The following KLHL17 variants were observed in gnomAD, a reference collection of about 807,000 sequenced individuals.
The protein encoded by KLHL17 is kelch like family member 17.
Under a neutral mutation model 64.6 loss-of-function variants are expected in KLHL17, and 71 were observed. The ratio of observed to expected loss-of-function variants is 1.10; its 90% CI spans 0.91 to 1.34. The LOEUF (loss-of-function observed/expected upper bound fraction) is 1.34. Among genes scored for constraint, KLHL17 ranks in the 40% most tolerant of loss-of-function variants. The pLI, the probability that KLHL17 is intolerant of heterozygous loss-of-function variation, is 0.00. For missense variants in KLHL17, 1,140 were observed against 935.0 expected (o/e 1.22, Z -2.86); for synonymous variants, 612 against 405.4 (o/e 1.51, Z -6.12).
Position 965,221 on chromosome 1 carries a change from C to T in KLHL17, c.*30C>T, listed in dbSNP as rs1642894122. The T allele has an allele frequency of 6.3e-7, 1 of 1,597,290 alleles. No individual in the cohort carries two copies. The highest frequency in any genetic ancestry group is 8.6e-7 in the Non-Finnish European group (1 of 1,167,864). On this transcript the variant is annotated 3_prime_UTR_variant, in exon 12 of 12. Coordinates refer to ENST00000338591, the MANE Select transcript of KLHL17 (RefSeq NM_198317.3). ...CCTACCACCAGAGGCCTGCAGCCTC[C>T]CACATGCCTTAAGGGGACCGTGGCC... is the stretch of plus-strand genomic sequence containing the variant.
chr1:962,167 TG>T, intron 4 of KLHL17, 120 bp downstream of exon 4: 1 of 1,271,996 alleles, frequency 7.9e-7, no homozygotes, highest in Non-Finnish European at 1.1e-6. Flanking sequence ...GTGCCTGCTG[TG>T]TGTCCCCGAG....
At position 964,012 on chromosome 1, in the gene KLHL17, G is replaced by A; in HGVS notation, c.1444+4G>A. 6.2e-7 allele frequency: 1 copy of A among 1,612,624 alleles called. No individual in the cohort carries two copies. The highest frequency in any genetic ancestry group is 8.5e-7 in the Non-Finnish European group (1 of 1,179,916). Reference sequence around the variant, plus strand: ...TATGTGCGAGTGGCCACGCTTGGTGGGTGATGGGGCCTGCCTGGGGGGCAT... The same window carrying A: ...TATGTGCGAGTGGCCACGCTTGGTGAGTGATGGGGCCTGCCTGGGGGGCAT... On this transcript the variant is annotated splice_donor_region_variant and intron_variant, in intron 9 of 11. Transcript: ENST00000338591.
At position 963,147 on chromosome 1, in the gene KLHL17, G is replaced by A; in HGVS notation, c.1081G>A (p.Ala361Thr). ...SLFAIHGDCE[A>T]YDTRTDRWHV... Reference sequence around the variant, plus strand: ...GTTTGCCATCCACGGAGACTGTGAGGCCTACGACACGCGCACCGACCGCTG... The same window carrying A: ...GTTTGCCATCCACGGAGACTGTGAGACCTACGACACGCGCACCGACCGCTG... The change falls in exon 7 of 12, where the codon GCC becomes ACC. Residue 361 changes from alanine (A) to threonine (T), a missense_variant. Physicochemically the swap from Ala to Thr is moderately conservative, Grantham distance 58. Coordinates refer to ENST00000338591, the MANE Select transcript of KLHL17 (RefSeq NM_198317.3). 1 of 1,611,990 alleles carries A rather than the reference G, an allele frequency of 6.2e-7. No homozygotes were observed. Among genetic ancestry groups the A allele is most frequent in the Middle Eastern group, 1.7e-4 (1 of 6,060 alleles).
intron 1 of KLHL17, 167 bp downstream of exon 1, chr1:960,967 G>A: frequency 2.5e-6 from 1 of 393,030 alleles, no homozygotes; most frequent in Non-Finnish European, 3.5e-6. Context: ...CCCGCGCCCC[G>A]CGCGCCCAGG....
Position 965,246 on chromosome 1 carries a change from C to A in KLHL17, c.*55C>A, listed in dbSNP as rs767758165. ...CCACATGCCTTAAGGGGACCGTGGC[C>A]CCCACCAGGGACGTCCTGCGCCATC... On this transcript the variant is annotated 3_prime_UTR_variant, in exon 12 of 12. Transcript: ENST00000338591. 5 of 1,485,160 alleles carry A rather than the reference C, an allele frequency of 3.4e-6. No individual in the cohort carries two copies. The highest frequency in any genetic ancestry group is 3.7e-6 in the Non-Finnish European group (4 of 1,075,304). 92.0% of individuals were successfully genotyped at this position (1,485,160 alleles called of 1,614,324 possible).
Position 964,356 on chromosome 1 carries a change from T to C in KLHL17, c.1526T>C (p.Val509Ala), listed in dbSNP as rs769197088. 6.4e-7 allele frequency: 1 copy of C among 1,553,708 alleles called. No homozygotes were observed. Among genetic ancestry groups the C allele is most frequent in the South Asian group, 1.2e-5 (1 of 85,350 alleles). Reference protein sequence around the residue: ...TVEKYEPQVNVWSPVASMLSR... With the variant: ...TVEKYEPQVNAWSPVASMLSR... ...CCACGCCCTCGCCCCCAGGTGAACG[T>C]GTGGTCGCCCGTGGCGTCCATGCTG... The change falls in exon 11 of 12, where the codon GTG becomes GCG. Residue 509 changes from valine (V) to alanine (A), a missense_variant. Transcript: ENST00000338591.
intron 5 of KLHL17, 100 bp from the exon 6 acceptor site, chr1:962,603 AT>A (rs1334227098): frequency 6.6e-7 from 1 of 1,520,744 alleles, no homozygotes; most frequent in Non-Finnish European, 8.8e-7. Context: ...CTGAAGAAGA[AT>A]CCATCACACA....
chr1:961,834 C>T lies in KLHL17; in HGVS notation c.498C>T (p.Leu166=), dbSNP rs370957996. ...VVGEGNVQTL[L]PAASLLQLNG... ...CTCTCGGTGCCCCGTAGACTCTGCT[C>T]CCAGCCGCCAGTCTCCTGCAGCTGA... The change falls in exon 4 of 12, where the codon CTC becomes CTT. Residue 166 remains leucine (L), a synonymous_variant. Coordinates refer to ENST00000338591, the MANE Select transcript of KLHL17 (RefSeq NM_198317.3). The T allele has an allele frequency of 1.2e-6, 2 of 1,610,468 alleles. No individual in the cohort carries two copies. Among genetic ancestry groups the T allele is most frequent in the South Asian group, 2.2e-5 (2 of 91,066 alleles).
chr1:962,872 C>A lies in KLHL17; in HGVS notation c.997C>A (p.Arg333Ser). Residue 333 changes from arginine to serine, a missense_variant, in exon 6 of 12, where the codon CGT becomes AGT. By Grantham distance (110) the Arg-to-Ser change is moderately radical. Transcript: ENST00000338591. ...QRGVLGTSRT[R>S]PRRCEGAGPV... The stretch of plus-strand genomic sequence containing the variant: ...GGGCGTCCTAGGCACCAGCCGCACA[C>A]GTCCCCGGCGCTGCGAGGGGGCCGG... 1 of 1,580,450 alleles carries A rather than the reference C, an allele frequency of 6.3e-7. No homozygotes were observed. The highest frequency in any genetic ancestry group is 8.6e-7 in the Non-Finnish European group (1 of 1,167,760).
chr1:962,069 C>G (rs1421435254), intron 4 of KLHL17, 22 bp downstream of exon 4: 2 of 1,594,230 alleles, frequency 1.3e-6, no homozygotes, highest in African/African-American at 2.7e-5. Context: ...CGGGCCCAGC[C>G]CTCGCCCCCC....
chr1:965,192 C>T lies in KLHL17; in HGVS notation c.*1C>T, dbSNP rs773235922. 17 of 1,611,670 alleles carry T rather than the reference C, an allele frequency of 1.1e-5. No homozygotes were observed. The South Asian group carries it at 1.2e-4, about 11-fold the overall frequency. On this transcript the variant is annotated 3_prime_UTR_variant, in exon 12 of 12. Transcript: ENST00000338591. The stretch of plus-strand genomic sequence containing the variant: ...GTCCGTGTCCTCCACCAGCCTCTGA[C>T]CCACCTACCACCAGAGGCCTGCAGC...
In KLHL17 at chr1:962,448, G is replaced by T. The variant is rs777583850; in HGVS notation, c.805G>T (p.Ala269Ser). 8 of 1,612,674 alleles carry T rather than the reference G, an allele frequency of 5.0e-6. No individual in the cohort carries two copies. In the East Asian group the frequency reaches 1.6e-4, roughly 31 times the overall value. Residue 269 changes from alanine (A) to serine (S), a missense_variant, in exon 5 of 12, where the codon GCC (alanine) becomes TCC (serine). Ala to Ser is a moderately conservative substitution (Grantham distance 99). Transcript: ENST00000338591. ...GAGCTGGGTGAAACACGACGTGGAC[G>T]CCCGCAGGCAGCATGTCCCACGGGT... ...VLSWVKHDVD[A>S]RRQHVPRLMK...
chr1:965,237 G>T lies in KLHL17; in HGVS notation c.*46G>T. Reference sequence around the variant, plus strand: ...TGCAGCCTCCCACATGCCTTAAGGGGACCGTGGCCCCCACCAGGGACGTCC... The same window carrying T: ...TGCAGCCTCCCACATGCCTTAAGGGTACCGTGGCCCCCACCAGGGACGTCC... On this transcript the variant is annotated 3_prime_UTR_variant, in exon 12 of 12. Coordinates refer to ENST00000338591, the MANE Select transcript of KLHL17 (RefSeq NM_198317.3). 3.2e-6 allele frequency: 5 copies of T among 1,550,118 alleles called. No individual in the cohort carries two copies. The highest frequency in any genetic ancestry group is 4.4e-6 in the Non-Finnish European group (5 of 1,130,788).
rs754499272 is a variant in KLHL17 at position 961,297 on chromosome 1, G to C, written c.112G>C (p.Glu38Gln). 6.6e-7 allele frequency: 1 copy of C among 1,507,522 alleles called. No individual in the cohort carries two copies. The highest frequency in any genetic ancestry group is 1.2e-5 in the South Asian group (1 of 81,488). 93.4% of individuals were successfully genotyped at this position (1,507,522 alleles called of 1,614,324 possible). Reference protein sequence around the residue: ...PPPPPQPPAPEAERTRPRQAR... With the variant: ...PPPPPQPPAPQAERTRPRQAR... ...TGACCCGCCCGCCTCCTGCAGCCCCGAGGCAGAGCGCACGCGGCCCCGGCA... is the reference window on the plus strand; with the variant it reads ...TGACCCGCCCGCCTCCTGCAGCCCCCAGGCAGAGCGCACGCGGCCCCGGCA... The change falls in exon 2 of 12, where the codon GAG becomes CAG. Residue 38 changes from glutamate to glutamine, a missense_variant. Physicochemically the swap from Glu to Gln is conservative, Grantham distance 29 (BLOSUM62 2). Coordinates refer to ENST00000338591, the MANE Select transcript of KLHL17 (RefSeq NM_198317.3).
chr1:962,642 T>G (rs907495397), intron 5 of KLHL17, 62 bp from the exon 6 acceptor site: 77 of 1,535,116 alleles, frequency 5.0e-5, no homozygotes, highest in Middle Eastern at 4.8e-4. Context: ...GGGGGTTGTC[T>G]CAGCCCTGAC....
chr1:962,359 T>G lies in KLHL17; in HGVS notation c.716T>G (p.Leu239Arg). ...TCTGAGGACCCCCACTCCCAGGTTCTGGAACTGGTCTCTAGCGACAGCCTG... is the reference window on the plus strand; with the variant it reads ...TCTGAGGACCCCCACTCCCAGGTTCGGGAACTGGTCTCTAGCGACAGCCTG... ...EFMLLPLKQV[L>R]ELVSSDSLNV... Residue 239 changes from leucine (L) to arginine (R), a missense_variant, in exon 5 of 12, where the codon CTG becomes CGG. Coordinates refer to ENST00000338591, the MANE Select transcript of KLHL17 (RefSeq NM_198317.3). The G allele has an allele frequency of 6.2e-7, 1 of 1,612,716 alleles. No homozygotes were observed. The highest frequency in any genetic ancestry group is 1.1e-5 in the South Asian group (1 of 91,068).
At position 962,439 on chromosome 1, in the gene KLHL17, G is replaced by A. The variant is rs1359813532; in HGVS notation, c.796G>A (p.Asp266Asn). ...AGCCGTCCTGAGCTGGGTGAAACAC[G>A]ACGTGGACGCCCGCAGGCAGCATGT... ...YRAVLSWVKH[D>N]VDARRQHVPR... The change falls in exon 5 of 12, where the codon GAC (aspartate) becomes AAC (asparagine). Residue 266 changes from aspartate to asparagine, a missense_variant. Physicochemically the swap from Asp to Asn is conservative, Grantham distance 23 (BLOSUM62 1). Transcript: ENST00000338591. The A allele has an allele frequency of 1.4e-5, 22 of 1,612,692 alleles. No homozygotes were observed. Among genetic ancestry groups the A allele is most frequent in the East Asian group, 2.2e-5 (1 of 44,880 alleles).
In KLHL17 at chr1:961,283, C is replaced by T. The variant is rs1312753423; in HGVS notation, c.108-10C>T. 5.4e-6 allele frequency: 8 copies of T among 1,471,290 alleles called. No homozygotes were observed. The highest frequency in any genetic ancestry group is 1.5e-5 in the African/African-American group (1 of 67,508). 91.1% of individuals were successfully genotyped at this position (1,471,290 alleles called of 1,614,324 possible). ...AGCGGGGCGAAGCCTGACCCGCCCG[C>T]CTCCTGCAGCCCCGAGGCAGAGCGC... On this transcript the variant is annotated splice_polypyrimidine_tract_variant and intron_variant, in intron 1 of 11. Coordinates refer to ENST00000338591, the MANE Select transcript of KLHL17 (RefSeq NM_198317.3).
chr1:962,149 A>G lies in KLHL17; in HGVS notation c.711+102A>G, dbSNP rs1012856809. 2.5e-5 allele frequency: 30 copies of G among 1,190,902 alleles called. No homozygotes were observed. In the African/African-American group the frequency reaches 3.2e-4, roughly 13 times the overall value. 73.8% of individuals were successfully genotyped at this position (1,190,902 alleles called of 1,614,324 possible). ...TTGTTCCTGACACAGCCCTGCCCAC[A>G]ATCCTTAGTGCCTGCTGTGTGTCCC... On this transcript the variant is annotated intron_variant, in intron 4 of 11. Transcript: ENST00000338591.
Sources: allele counts gnomAD v4.1 joint callset, GRCh38; gene constraint gnomAD v4.1.1; transcripts MANE v1.5; gene names NCBI Gene and HGNC (gene_info 2026-07-23, HGNC 2026-07-21).